PARD3: variants seen among roughly 807,000 people sequenced by gnomAD.
PARD3 encodes the protein partitioning defective 3 homolog.
Under a neutral mutation model 155.4 loss-of-function variants are expected in PARD3, and 75 were observed. The observed-to-expected ratio is 0.48, with a 90% CI of 0.40 to 0.58. PARD3 has a LOEUF of 0.58. Ranked by LOEUF, PARD3 falls within the 20% of genes least tolerant of loss-of-function variation. The pLI is 0.00. For synonymous variants in PARD3, 576 were observed against 610.5 expected (o/e 0.94, Z 0.83); for missense variants, 1,642 against 1,721.7 (o/e 0.95, Z 0.82).
At chr10:34,782,733 TC>T (rs551314959) in intron 1 of PARD3, among the ~76,000 whole-genome samples, 19 of 151,360 alleles carry the variant, frequency 1.3e-4, no homozygotes, top group African/African-American at 4.6e-4. Context: ...TTTTTTTTTT[TC>T]TTTTTTTTTT....
chr10:34,334,547 C>T lies in PARD3; in HGVS notation c.2605+1652G>A, dbSNP rs1377699558. On this transcript the variant is annotated intron_variant, in intron 18 of 24. Coordinates refer to ENST00000374788, the MANE Select transcript of PARD3 (RefSeq NM_001184785.2). ...TGAAAACTCAAGTCAAGTGAAGTGA[C>T]GAAAGAAAAATAAGTGAAAATCTTT... Among the ~76,000 whole-genome samples the T allele has an allele frequency of 5.9e-5, 9 of 151,338 alleles. No individual in the cohort carries two copies. In the East Asian group the frequency reaches 1.7e-3, roughly 29 times the overall value.
At chr10:34,401,747 A>G (rs190033744) in intron 6 of PARD3, 79 bp downstream of exon 6, 520 of 908,170 alleles carry the variant, frequency 5.7e-4, no homozygotes, top group Admixed American at 9.2e-4. Flanking sequence ...TCCTCATGCC[A>G]TATGCTTTCA....
At position 34,132,254 on chromosome 10, in the gene PARD3, T is replaced by C. The variant is rs143368862; in HGVS notation, c.3420-671A>G. ...AATACGGCCTTCTTTTTGTATAGTA[T>C]TGAATTTTGTTTTATTCTCAGAAAT... is the stretch of plus-strand genomic sequence containing the variant. On this transcript the variant is annotated intron_variant, in intron 22 of 24. Coordinates refer to ENST00000374788, the MANE Select transcript of PARD3 (RefSeq NM_001184785.2). Among the ~76,000 whole-genome samples the C allele has an allele frequency of 3.2e-3, 482 of 152,336 alleles. 1 individual carries two copies. Among genetic ancestry groups the C allele is most frequent in the South Asian group, 0.023 (110 of 4,830 alleles).
rs188865868 is a variant in PARD3 at position 34,673,684 on chromosome 10, C to A, written c.222+22634G>T. On this transcript the variant is annotated intron_variant, in intron 2 of 24. Transcript: ENST00000374788. Reference sequence around the variant, plus strand: ...ACAATCAACACAATACAAGTATCCACACATATATATTCTGTTTTCTATTTA... The same window carrying A: ...ACAATCAACACAATACAAGTATCCAAACATATATATTCTGTTTTCTATTTA... Among the ~76,000 whole-genome samples, 7 of 152,316 alleles carry A rather than the reference C, an allele frequency of 4.6e-5. No individual in the cohort carries two copies. The East Asian group carries it at 1.3e-3, about 29-fold the overall frequency.
rs1012706421 is a variant in PARD3 at position 34,778,312 on chromosome 10, T to G, written c.120+36564A>C. 1.6e-4 allele frequency among the ~76,000 whole-genome samples: 25 copies of G among 152,160 alleles called. 1 individual carries two copies. The highest frequency in any genetic ancestry group is 1.5e-5 in the Non-Finnish European group (1 of 68,030). ...TGCGGTCTGCTGGATTCTAAATCCC[T>G]CGGGCCAAGGACAGAAATGAGGCAA... On this transcript the variant is annotated intron_variant, in intron 1 of 24. Transcript: ENST00000374788.
In PARD3 at chr10:34,399,377, T is replaced by C; in HGVS notation, c.843A>G (p.Gly281=). Residue 281 remains glycine (G), a synonymous_variant, in exon 7 of 25, where the codon GGA becomes GGG. Transcript: ENST00000374788. ...MVKLVEVPND[G]GPLGIHVVPF... ...GCACTACGTGGATTCCCAGAGGCCC[T>C]CCATCGTTGGGGACTTCTACGAGCT... 1 of 1,612,088 alleles carries C rather than the reference T, an allele frequency of 6.2e-7. No individual in the cohort carries two copies. The highest frequency in any genetic ancestry group is 1.1e-5 in the South Asian group (1 of 91,038).
intron 16 of PARD3, among the ~76,000 whole-genome samples, chr10:34,337,829 TAACTAA>T (rs986351411): frequency 2.6e-5 from 4 of 152,358 alleles, no homozygotes; most frequent in African/African-American, 9.6e-5. Context: ...ATATAAATTG[TAACTAA>T]ATAGAAGTTT....
chr10:34,600,962 A>ATTTTT (rs1028271994), intron 2 of PARD3, among the ~76,000 whole-genome samples: 3 of 90,066 alleles, frequency 3.3e-5, no homozygotes, highest in South Asian at 4.2e-4. Context: ...CATTTTTTTA[A>ATTTTT]TTTTTTTTTT....
intron 2 of PARD3, among the ~76,000 whole-genome samples, chr10:34,603,379 T>A (rs986129768): frequency 2.6e-5 from 4 of 152,078 alleles, no homozygotes; most frequent in Non-Finnish European, 5.9e-5. Flanking sequence ...GCCCCAGGGG[T>A]TAATGTTCTT....
In PARD3 at chr10:34,716,116, A is replaced by T. The variant is rs2094516022; in HGVS notation, c.121-19697T>A. Among the ~76,000 whole-genome samples the T allele has an allele frequency of 2.6e-5, 4 of 152,192 alleles. No homozygotes were observed. In the South Asian group the frequency reaches 8.3e-4, roughly 31 times the overall value. ...CACATAAAAGAGATTTTATACATTA[A>T]TTCCATAAAATTCATAATTCCTTAC... On this transcript the variant is annotated intron_variant, in intron 1 of 24. Transcript: ENST00000374788.
intron 2 of PARD3, among the ~76,000 whole-genome samples, chr10:34,556,232 C>T (rs2084969651): frequency 6.6e-6 from 1 of 152,168 alleles, no homozygotes; most frequent in African/African-American, 2.4e-5. Context: ...ACCGTTACAA[C>T]AACGTTTTTC....
chr10:34,753,719 A>G (rs1054549710), intron 1 of PARD3, among the ~76,000 whole-genome samples: 6 of 152,220 alleles, frequency 3.9e-5, no homozygotes, highest in Non-Finnish European at 7.3e-5. Flanking sequence ...AAGAGGACAT[A>G]GGTTTCAAAT....
At chr10:34,558,305 C>T (rs1348435802) in intron 2 of PARD3, among the ~76,000 whole-genome samples, 1 of 152,168 alleles carries the variant, frequency 6.6e-6, no homozygotes, top group Admixed American at 6.5e-5. Context: ...TTTTCAGTAG[C>T]TACAGTTCTT....
At chr10:34,111,592 AG>A (rs1197726281) in intron 24 of PARD3, 30 bp from the exon 25 acceptor site, 2 of 1,552,188 alleles carry the variant, frequency 1.3e-6, no homozygotes, top group Admixed American at 3.9e-5. Context: ...GGTTAGTGTG[AG>A]GGTAGGAAGA....
chr10:34,272,647 G>A (rs1955675712), intron 21 of PARD3, among the ~76,000 whole-genome samples: 1 of 151,992 alleles, frequency 6.6e-6, no homozygotes, highest in African/African-American at 2.4e-5. Context: ...GATTGCCTGG[G>A]CCCTGGAGGC....
chr10:34,251,145 C>A (rs1954281249), intron 22 of PARD3, among the ~76,000 whole-genome samples: 1 of 152,142 alleles, frequency 6.6e-6, no homozygotes, highest in Non-Finnish European at 1.5e-5. Context: ...ATTTTAGCAG[C>A]AGTATGTAAG....
chr10:34,746,496 T>A (rs974424167), intron 1 of PARD3, among the ~76,000 whole-genome samples: 1 of 152,140 alleles, frequency 6.6e-6, no homozygotes, highest in African/African-American at 2.4e-5. Flanking sequence ...GTAACACATT[T>A]ATTAAAGCCA....
chr10:34,346,696 A>G (rs746098841), intron 15 of PARD3, among the ~76,000 whole-genome samples: 22 of 152,254 alleles, frequency 1.4e-4, no homozygotes, highest in Non-Finnish European at 1.6e-4. Context: ...ACAGGTGTTC[A>G]ACCCAACAGG....
intron 2 of PARD3, among the ~76,000 whole-genome samples, chr10:34,566,372 G>T (rs1177113623): frequency 6.6e-6 from 1 of 152,182 alleles, no homozygotes; most frequent in Non-Finnish European, 1.5e-5. Context: ...TCCAAAAACA[G>T]ATTAAAACCC....
Sources: allele counts gnomAD v4.1 joint callset (sites outside exome capture counted in the v4.1 genomes callset), GRCh38; gene constraint gnomAD v4.1.1; transcripts MANE v1.5; gene names NCBI Gene and HGNC (gene_info 2026-07-23, HGNC 2026-07-21).